The following STARD9 variants were observed in gnomAD, a reference collection of about 807,000 sequenced individuals.
STARD9 encodes stAR-related lipid transfer protein 9.
STARD9 carries 346 observed loss-of-function variants against 399.8 expected under a neutral mutation model. The observed-to-expected ratio is 0.87, with a 90% CI of 0.79 to 0.95. The LOEUF (loss-of-function observed/expected upper bound fraction) is 0.95. STARD9 is among the 40% of genes least tolerant of loss of function. STARD9 has a pLI of 0.00. For missense variants in STARD9, 5,832 were observed against 5,667.5 expected, an observed-to-expected ratio of 1.03 and a Z score of -0.93; for synonymous variants, 2,203 against 2,143.5, an observed-to-expected ratio of 1.03 and a Z score of -0.77.
At chr15:42,576,480 T>C (rs137999320) in intron 1 of STARD9, among the ~76,000 whole-genome samples, 1 of 152,052 alleles carries the variant, frequency 6.6e-6, no homozygotes, top group African/African-American at 2.4e-5. Context: ...TGTTGACAGG[T>C]GGAGAGAGTT....
chr15:42,644,690 G>A lies in STARD9; in HGVS notation c.559+5878G>A, dbSNP rs190083727. On this transcript the variant is annotated intron_variant, in intron 7 of 32. Transcript: ENST00000290607. The stretch of plus-strand genomic sequence containing the variant: ...TGGCAATTTCTTAAAACAACTTATG[G>A]AGTTTGTTACATCAATTGACTCTTC... 4.6e-5 allele frequency among the ~76,000 whole-genome samples: 7 copies of A among 152,162 alleles called. No individual in the cohort carries two copies. The East Asian group carries it at 1.4e-3, about 29-fold the overall frequency.
chr15:42,580,568 C>A (rs2058146378), intron 1 of STARD9, among the ~76,000 whole-genome samples: 1 of 152,192 alleles, frequency 6.6e-6, no homozygotes, highest in South Asian at 2.1e-4. Flanking sequence ...GTAATCCCAG[C>A]ACTTTGGGAG....
intron 30 of STARD9, 26 bp downstream of exon 30, chr15:42,718,205 A>T: frequency 6.6e-7 from 1 of 1,525,078 alleles, no homozygotes; most frequent in Non-Finnish European, 8.8e-7. Context: ...GAAGGCTTCC[A>T]TGGGGCCTAG....
intron 24 of STARD9, 145 bp downstream of exon 24, chr15:42,694,870 A>C: frequency 4.1e-6 from 1 of 241,660 alleles, no homozygotes; most frequent in Non-Finnish European, 8.1e-6. Flanking sequence ...GAATGGAATG[A>C]GGGAGGGGGT....
At chr15:42,620,728 TTTTA>T (rs2059075222) in intron 3 of STARD9, among the ~76,000 whole-genome samples, 1 of 57,222 alleles carries the variant, frequency 1.7e-5, no homozygotes, top group Non-Finnish European at 5.7e-5. Flanking sequence ...AGAATGTCCC[TTTTA>T]TTTTATTTTA....
At chr15:42,630,000 C>CTTTTTTTT (rs1158967224) in intron 3 of STARD9, 22 of 124,324 alleles carry the variant, frequency 1.8e-4, no homozygotes, top group African/African-American at 2.9e-4. Flanking sequence ...TCTTTTTTTT[C>CTTTTTTTT]TTTTTTTTTT....
intron 3 of STARD9, among the ~76,000 whole-genome samples, chr15:42,597,783 C>T (rs1008554397): frequency 1.1e-4 from 16 of 151,420 alleles, no homozygotes; most frequent in African/African-American, 2.9e-4. Context: ...GTGATCTGCC[C>T]GACTTAGCCT....
chr15:42,706,590 C>T lies in STARD9; in HGVS notation c.13285-10087C>T, dbSNP rs374853944. On this transcript the variant is annotated intron_variant, in intron 26 of 32. Coordinates refer to ENST00000290607, the MANE Select transcript of STARD9 (RefSeq NM_020759.3). Reference sequence around the variant, plus strand: ...TCAGCCTCCCGAAGAGCTGGGATTACAGGCGCCTGCCACCATGCCTGGCTA... The same window carrying T: ...TCAGCCTCCCGAAGAGCTGGGATTATAGGCGCCTGCCACCATGCCTGGCTA... 7.9e-5 allele frequency among the ~76,000 whole-genome samples: 12 copies of T among 152,150 alleles called. No homozygotes were observed. In the South Asian group the frequency reaches 1.2e-3, roughly 16 times the overall value.
intron 3 of STARD9, among the ~76,000 whole-genome samples, chr15:42,620,638 T>G (rs772915569): frequency 6.6e-6 from 1 of 152,238 alleles, no homozygotes; most frequent in Non-Finnish European, 1.5e-5. Context: ...CTAGTCTAAT[T>G]CAGTCTGGAA....
chr15:42,598,807 T>A (rs2058566216), intron 3 of STARD9, among the ~76,000 whole-genome samples: 1 of 152,228 alleles, frequency 6.6e-6, no homozygotes, highest in Non-Finnish European at 1.5e-5. Flanking sequence ...AGAGCTTACT[T>A]CTTCTAACAC....
At position 42,685,413 on chromosome 15, in the gene STARD9, C is replaced by T. The variant is rs2060527968; in HGVS notation, c.3835C>T (p.Pro1279Ser). ...LPMSSSFYLD[P>S]QFQPHCELQP... is the part of the protein sequence containing the mutation. ...AATGAGCAGTTCGTTTTACCTTGAT[C>T]CTCAGTTCCAACCCCATTGTGAGCT... Residue 1279 changes from proline (P) to serine (S), a missense_variant, in exon 23 of 33, where the codon CCT (proline) becomes TCT (serine). By Grantham distance (74) the Pro-to-Ser change is moderately conservative (BLOSUM62 -1). This residue lies in a region of STARD9 where 5,828 missense variants were observed against 5,651.1 expected (regional missense o/e 1.03). Transcript: ENST00000290607. 1 of 1,534,672 alleles carries T rather than the reference C, an allele frequency of 6.5e-7. No homozygotes were observed. Among genetic ancestry groups the T allele is most frequent in the South Asian group, 1.2e-5 (1 of 83,750 alleles).
Position 42,688,937 on chromosome 15 carries a change from G to T in STARD9, c.7359G>T (p.Leu2453Phe), listed in dbSNP as rs2140260631. The T allele has an allele frequency of 2.6e-6, 4 of 1,537,422 alleles. No homozygotes were observed. The South Asian group carries it at 4.8e-5, about 18-fold the overall frequency. ...ATGGAAAGGACCTCAGAATCACCTT[G>T]CTGGGTTTCAGTACCAGTGAAGATT... ...QDHGKDLRIT[L>F]LGFSTSEDFA... Residue 2453 changes from leucine to phenylalanine, a missense_variant, in exon 23 of 33, where the codon TTG becomes TTT. Physicochemically the swap from Leu to Phe is conservative, Grantham distance 22. Around this residue, in one of 2 missense-constraint regions of STARD9, gnomAD observed 5,828 missense variants for 5,651.1 expected, o/e 1.03. Transcript: ENST00000290607.
chr15:42,698,288 A>T (rs998725232), intron 26 of STARD9, among the ~76,000 whole-genome samples: 1 of 152,200 alleles, frequency 6.6e-6, no homozygotes, highest in Admixed American at 6.5e-5. Flanking sequence ...GAGTATATAC[A>T]TTTAAATTTT....
intron 3 of STARD9, among the ~76,000 whole-genome samples, chr15:42,596,822 G>C (rs925583672): frequency 1.3e-5 from 2 of 152,124 alleles, no homozygotes; most frequent in Non-Finnish European, 2.9e-5. Context: ...TTGCTTAAAG[G>C]CAATGTAAGA....
intron 7 of STARD9, among the ~76,000 whole-genome samples, chr15:42,649,285 C>T (rs2059709397): frequency 6.6e-6 from 1 of 152,176 alleles, no homozygotes; most frequent in Admixed American, 6.5e-5. Context: ...GCCTCAGCCT[C>T]CCAAAGTGTT....
At chr15:42,659,121 AAG>A (rs1410174045) in intron 9 of STARD9, among the ~76,000 whole-genome samples, 1 of 152,152 alleles carries the variant, frequency 6.6e-6, no homozygotes, top group Non-Finnish European at 1.5e-5. Context: ...GAAAGAAAGA[AAG>A]AGAGAAAAGA....
At chr15:42,715,811 A>AT (rs34362170) in intron 26 of STARD9, among the ~76,000 whole-genome samples, 2 of 151,680 alleles carry the variant, frequency 1.3e-5, no homozygotes, top group South Asian at 2.1e-4. Context: ...CGGCCCCCAA[A>AT]TTTTTTTTTA....
chr15:42,684,394 A>G lies in STARD9; in HGVS notation c.2816A>G (p.Lys939Arg). ...ATCCAGGAAATGGAGATGGGGGTTA[A>G]GCAGCCCCATCAGATGGTGAGCCAG... is the stretch of plus-strand genomic sequence containing the variant. ...VGIQEMEMGV[K>R]QPHQMVSQGL... The change falls in exon 23 of 33, where the codon AAG (lysine) becomes AGG (arginine). Residue 939 changes from lysine to arginine, a missense_variant. Around this residue, in one of 2 missense-constraint regions of STARD9, gnomAD observed 5,828 missense variants for 5,651.1 expected, o/e 1.03. Coordinates refer to ENST00000290607, the MANE Select transcript of STARD9 (RefSeq NM_020759.3). 1 of 1,537,172 alleles carries G rather than the reference A, an allele frequency of 6.5e-7. No individual in the cohort carries two copies. Among genetic ancestry groups the G allele is most frequent in the Non-Finnish European group, 8.7e-7 (1 of 1,146,900 alleles).
At chr15:42,639,404 A>G (rs1220549133) in intron 7 of STARD9, among the ~76,000 whole-genome samples, 1 of 152,186 alleles carries the variant, frequency 6.6e-6, no homozygotes, top group Non-Finnish European at 1.5e-5. Flanking sequence ...GGTGGTAGTC[A>G]GACATCAGAC....
Sources: gnomAD v4.1 joint callset for allele counts (sites outside exome capture counted in the v4.1 genomes callset) on GRCh38, gnomAD v4.1.1 for gene constraint, gnomAD v4.1.1 regional missense constraint, MANE v1.5 for transcripts, NCBI Gene and HGNC (gene_info 2026-07-23, HGNC 2026-07-21) for gene names.